The following WFDC3 variants were observed in gnomAD, a reference collection of about 807,000 sequenced individuals.
WFDC3 encodes WAP four-disulfide core domain 3.
In WFDC3, 15 loss-of-function variants were observed where a neutral mutation model predicts 25.8. The ratio of observed to expected loss-of-function variants is 0.58; its 90% CI spans 0.39 to 0.89. WFDC3 has a LOEUF of 0.89. WFDC3 is among the 40% of genes least tolerant of loss of function. The pLI is 0.00. For missense variants in WFDC3, 264 were observed against 289.8 expected (o/e 0.91, Z 0.65); for synonymous variants, 103 against 107.1 (o/e 0.96, Z 0.24).
At chr20:45,787,814 G>T in intron 4 of WFDC3, 22 bp downstream of exon 4, 1 of 1,606,218 alleles carries the variant, frequency 6.2e-7, no homozygotes, top group Admixed American at 1.7e-5. Flanking sequence ...AGACCATGAG[G>T]TGTGGGGACA....
chr20:45,776,652 A>G (rs1241200683), intron 5 of WFDC3, among the ~76,000 whole-genome samples: 11 of 109,250 alleles, frequency 1.0e-4, no homozygotes, highest in Admixed American at 7.0e-4. Context: ...ATATATATAT[A>G]TATATATATG....
intron 2 of WFDC3, 93 bp from the exon 3 acceptor site, chr20:45,789,152 T>C (rs1343475290): frequency 6.5e-6 from 10 of 1,527,050 alleles, no homozygotes; most frequent in Non-Finnish European, 8.0e-6. Flanking sequence ...CTATCCAAAA[T>C]ATTTCTGCAC....
chr20:45,774,546 C>T lies in WFDC3; in HGVS notation c.680-102G>A, dbSNP rs1009796361. On this transcript the variant is annotated intron_variant, in intron 6 of 6. Coordinates refer to ENST00000243938, the MANE Select transcript of WFDC3 (RefSeq NM_080614.2). Reference sequence around the variant, plus strand: ...AGGAAAGCTTGGCCTATATTGCTCTCAAAAGTCTTAAATAGCTCCTTGCTT... The same window carrying T: ...AGGAAAGCTTGGCCTATATTGCTCTTAAAAGTCTTAAATAGCTCCTTGCTT... 3 of 1,524,190 alleles carry T rather than the reference C, an allele frequency of 2.0e-6. No homozygotes were observed. In the African/African-American group the frequency reaches 4.1e-5, roughly 21 times the overall value. 94.4% of individuals were successfully genotyped at this position (1,524,190 alleles called of 1,614,324 possible).
chr20:45,787,809 A>G lies in WFDC3; in HGVS notation c.358+27T>C. 2.5e-6 allele frequency: 4 copies of G among 1,597,938 alleles called. No individual in the cohort carries two copies. The Admixed American group carries it at 7.0e-5, about 28-fold the overall frequency. ...AATAAACAAGCAGACCAAACAGACC[A>G]TGAGGTGTGGGGACAGCGTTTCTTA... On this transcript the variant is annotated intron_variant, in intron 4 of 6. Transcript: ENST00000243938.
intron 4 of WFDC3, among the ~76,000 whole-genome samples, chr20:45,779,600 A>G (rs975635870): frequency 6.6e-6 from 1 of 152,092 alleles, no homozygotes; most frequent in Non-Finnish European, 1.5e-5. Context: ...AAACACTGAA[A>G]TCCATTTAAC....
At chr20:45,776,278 C>CTGTGTGTGTG (rs3080047) in intron 5 of WFDC3, among the ~76,000 whole-genome samples, 4,864 of 101,914 alleles carry the variant, frequency 0.048, 153 homozygotes, top group East Asian at 0.084. Flanking sequence ...GCTTTTATCT[C>CTGTGTGTGTG]TGTGTGTGTG....
At chr20:45,780,280 T>C (rs1329192836) in intron 4 of WFDC3, among the ~76,000 whole-genome samples, 1 of 152,054 alleles carries the variant, frequency 6.6e-6, no homozygotes, top group Non-Finnish European at 1.5e-5. Flanking sequence ...TCTCACTATG[T>C]TGACTAGGCT....
Position 45,787,911 on chromosome 20 carries a change from A to T in WFDC3, c.283T>A (p.Cys95Ser), listed in dbSNP as rs138159684. The T allele has an allele frequency of 6.2e-7, 1 of 1,614,004 alleles. No homozygotes were observed. ...CLKRCITDET[C>S]PGVKKCCTLG... ...GTGCAGCATTTCTTTACACCTGGAC[A>T]TGTCTCATCAGTGATGCACCTTTTC... Residue 95 changes from cysteine to serine, a missense_variant, in exon 4 of 7, where the codon TGT (cysteine) becomes AGT (serine). Physicochemically the swap from Cys to Ser is moderately radical, Grantham distance 112. Coordinates refer to ENST00000243938, the MANE Select transcript of WFDC3 (RefSeq NM_080614.2).
chr20:45,789,521 A>AG (rs11482145), intron 2 of WFDC3, among the ~76,000 whole-genome samples: 1 of 151,176 alleles, frequency 6.6e-6, no homozygotes, highest in African/African-American at 2.4e-5. Flanking sequence ...AAAAAAAAAA[A>AG]TTCTGCAACC....
At chr20:45,787,084 ACT>A (rs1289260141) in intron 4 of WFDC3, among the ~76,000 whole-genome samples, 6 of 112,200 alleles carry the variant, frequency 5.3e-5, no homozygotes, top group Non-Finnish European at 6.9e-5. Flanking sequence ...ACAGAGCAAG[ACT>A]CTCTCTCAAA....
At chr20:45,777,277 T>C (rs2145682096) in intron 4 of WFDC3, 68 bp from the exon 5 acceptor site, 1 of 1,361,192 alleles carries the variant, frequency 7.3e-7, no homozygotes. Context: ...TTGTGTCCCA[T>C]GTGTATGTTT....
In WFDC3 at chr20:45,775,580, T is replaced by A. The variant is rs1195064489; in HGVS notation, c.516A>T (p.Lys172Asn). The change falls in exon 6 of 7, where the codon AAA becomes AAT. Residue 172 changes from lysine (K) to asparagine (N), a missense_variant. Coordinates refer to ENST00000243938, the MANE Select transcript of WFDC3 (RefSeq NM_080614.2). ...IEGGRGGDCPKVLVGLCIVGC... is the reference protein window; with the variant it reads ...IEGGRGGDCPNVLVGLCIVGC... ...CAACAATGCACAGGCCCACCAGAAC[T>A]TTTGGACAATCACCGCCCCGCCCTG... is the stretch of plus-strand genomic sequence containing the variant. The A allele has an allele frequency of 6.2e-7, 1 of 1,614,100 alleles. No individual in the cohort carries two copies. Among genetic ancestry groups the A allele is most frequent in the South Asian group, 1.1e-5 (1 of 91,064 alleles).
intron 4 of WFDC3, among the ~76,000 whole-genome samples, chr20:45,784,829 T>C (rs777815968): frequency 2.0e-5 from 3 of 152,206 alleles, no homozygotes; most frequent in Non-Finnish European, 2.9e-5. Context: ...ACACTTTACA[T>C]AATTTGAATA....
In WFDC3 at chr20:45,778,866, G is replaced by T. The variant is rs199521632; in HGVS notation, c.359-1657C>A. 1.2e-3 allele frequency: 155 copies of T among 125,744 alleles called. 1 individual carries two copies. Among genetic ancestry groups the T allele is most frequent in the African/African-American group, 4.2e-3 (151 of 35,804 alleles). 7.8% of individuals were successfully genotyped at this position (125,744 alleles called of 1,614,324 possible). On this transcript the variant is annotated intron_variant, in intron 4 of 6. Transcript: ENST00000243938. The stretch of plus-strand genomic sequence containing the variant: ...AAATGTAAATGTAAAAAAAAAAAAA[G>T]AATTGCAAAGGAGAAAGAGGGAAAT...
At chr20:45,778,086 AAG>A (rs956506589) in intron 4 of WFDC3, among the ~76,000 whole-genome samples, 4 of 152,178 alleles carry the variant, frequency 2.6e-5, no homozygotes, top group Non-Finnish European at 5.9e-5. Flanking sequence ...AATGTAATGT[AAG>A]CAGAGCCTTG....
intron 4 of WFDC3, chr20:45,778,605 G>C (rs1331292472): frequency 6.6e-5 from 10 of 152,130 alleles, no homozygotes; most frequent in Non-Finnish European, 1.5e-4. Flanking sequence ...TCTTCTTCCA[G>C]TCCAAAGATA....
intron 4 of WFDC3, among the ~76,000 whole-genome samples, chr20:45,784,856 G>C (rs868128334): frequency 6.6e-6 from 1 of 152,188 alleles, no homozygotes; most frequent in Non-Finnish European, 1.5e-5. Flanking sequence ...ACAAGCCTTC[G>C]AGGTTTATTC....
At chr20:45,784,810 G>C (rs1407235348) in intron 4 of WFDC3, among the ~76,000 whole-genome samples, 1 of 152,210 alleles carries the variant, frequency 6.6e-6, no homozygotes, top group Non-Finnish European at 1.5e-5. Context: ...AATATATACT[G>C]AGGGCAAAAC....
In WFDC3 at chr20:45,791,867, G is replaced by A. The variant is rs905511432; in HGVS notation, c.-43C>T. On this transcript the variant is annotated 5_prime_UTR_variant, in exon 1 of 7. Coordinates refer to ENST00000243938, the MANE Select transcript of WFDC3 (RefSeq NM_080614.2). Reference sequence around the variant, plus strand: ...AGTGTAACTGTCCTGGGCGAGGCGCGGCGGTTCGGTTCCCATGGTAACCCC... The same window carrying A: ...AGTGTAACTGTCCTGGGCGAGGCGCAGCGGTTCGGTTCCCATGGTAACCCC... 3.4e-5 allele frequency: 18 copies of A among 529,066 alleles called. No individual in the cohort carries two copies. Among genetic ancestry groups the A allele is most frequent in the African/African-American group, 3.3e-4 (17 of 51,036 alleles). 32.8% of individuals were successfully genotyped at this position (529,066 alleles called of 1,614,324 possible).
Sources: gnomAD v4.1 joint callset for allele counts (sites outside exome capture counted in the v4.1 genomes callset) on GRCh38, gnomAD v4.1.1 for gene constraint, MANE v1.5 for transcripts, NCBI Gene and HGNC (gene_info 2026-07-23, HGNC 2026-07-21) for gene names.